Variants in AMOTL1 observed in about 807,000 individuals in gnomAD.
The protein encoded by AMOTL1 is angiomotin like 1.
A neutral mutation model predicts 102.9 loss-of-function variants in AMOTL1; 45 were observed. The observed-to-expected ratio is 0.44, with a 90% CI of 0.34 to 0.56. AMOTL1 has a LOEUF of 0.56. Among genes scored for constraint, AMOTL1 ranks in the 20% least tolerant of loss-of-function variants. The pLI, the probability that AMOTL1 is intolerant of heterozygous loss-of-function variation, is 0.01. For missense variants in AMOTL1, 1,114 were observed against 1,225.6 expected (o/e 0.91, Z 1.36); for synonymous variants, 481 against 484.7 (o/e 0.99, Z 0.10).
At chr11:94,863,528 G>A (rs1952816209) in intron 9 of AMOTL1, among the ~76,000 whole-genome samples, 2 of 151,972 alleles carry the variant, frequency 1.3e-5, no homozygotes, top group African/African-American at 4.8e-5. Context: ...GGAGGTGGAG[G>A]TTGCAGTGAG....
chr11:94,724,102 T>C (rs186023036), intron 1 of AMOTL1, among the ~76,000 whole-genome samples: 1 of 152,106 alleles, frequency 6.6e-6, no homozygotes, highest in Non-Finnish European at 1.5e-5. Context: ...AGAAGGAAGA[T>C]CCCATTGTGT....
chr11:94,727,880 A>G (rs1263520835), intron 1 of AMOTL1, among the ~76,000 whole-genome samples: 1 of 152,198 alleles, frequency 6.6e-6, no homozygotes, highest in Non-Finnish European at 1.5e-5. Context: ...TGCATCTCCC[A>G]TAAGTATCAT....
chr11:94,840,539 C>G (rs938833597), intron 6 of AMOTL1, among the ~76,000 whole-genome samples: 3 of 151,626 alleles, frequency 2.0e-5, no homozygotes, highest in African/African-American at 7.3e-5. Context: ...CCTGATCAGT[C>G]CTAGCATAAA....
At chr11:94,777,757 T>A (rs1951045865) in intron 1 of AMOTL1, among the ~76,000 whole-genome samples, 1 of 152,224 alleles carries the variant, frequency 6.6e-6, no homozygotes, top group Admixed American at 6.5e-5. Context: ...TTAGGGAGCA[T>A]GACATTTCTT....
chr11:94,821,478 C>T (rs1272963430), intron 3 of AMOTL1, 52 bp from the exon 4 acceptor site: 3 of 1,563,242 alleles, frequency 1.9e-6, no homozygotes, highest in South Asian at 2.4e-5. Context: ...GGCTTCCTTC[C>T]TGCTCCCACC....
intron 1 of AMOTL1, among the ~76,000 whole-genome samples, chr11:94,784,243 A>T (rs1035422402): frequency 2.0e-4 from 30 of 152,194 alleles, no homozygotes; most frequent in African/African-American, 7.2e-4. Context: ...TTAAATCCTC[A>T]TAACAACTTT....
Position 94,876,197 on chromosome 11 carries a change from A to G in AMOTL1, c.*5402A>G, listed in dbSNP as rs572366304. 1.3e-5 allele frequency: 2 copies of G among 152,686 alleles called. No homozygotes were observed. The highest frequency in any genetic ancestry group is 4.8e-5 in the African/African-American group (2 of 41,534). The allele number at this position is 152,686 out of a possible 1,614,324, so 9.5% of individuals were successfully genotyped here. On this transcript the variant is annotated 3_prime_UTR_variant, in exon 13 of 13. Transcript: ENST00000433060. ...ACGGAATGTAAGCAAATATATCCAC[A>G]TTGGTTTTATTTGAATCAAGGTGTT...
chr11:94,718,343 G>T (rs896104967), intron 1 of AMOTL1, among the ~76,000 whole-genome samples: 2 of 151,896 alleles, frequency 1.3e-5, no homozygotes, highest in Non-Finnish European at 2.9e-5. Flanking sequence ...TTTATTGACA[G>T]TCATTAAAAT....
chr11:94,856,183 C>A (rs905984137), intron 8 of AMOTL1, among the ~76,000 whole-genome samples: 5 of 152,144 alleles, frequency 3.3e-5, no homozygotes, highest in African/African-American at 1.2e-4. Context: ...GGTTGAGTAT[C>A]CCTTATCTGA....
At chr11:94,782,727 CTTTCT>C (rs1951130723) in intron 1 of AMOTL1, among the ~76,000 whole-genome samples, 1 of 152,174 alleles carries the variant, frequency 6.6e-6, no homozygotes, top group Non-Finnish European at 1.5e-5. Context: ...TTAAAATACG[CTTTCT>C]TTTGCCAACT....
In AMOTL1 at chr11:94,800,270, C is replaced by T. The variant is rs368729646; in HGVS notation, c.1080C>T (p.Ala360=). 100 of 1,612,938 alleles carry T rather than the reference C, an allele frequency of 6.2e-5. 4 individuals are homozygous for T. Among genetic ancestry groups the T allele is most frequent in the South Asian group, 4.9e-4 (45 of 90,914 alleles). The change falls in exon 3 of 13, where the codon GCC becomes GCT. Residue 360 remains alanine, a synonymous_variant. Coordinates refer to ENST00000433060, the MANE Select transcript of AMOTL1 (RefSeq NM_130847.3). The stretch of plus-strand genomic sequence containing the variant: ...CTCAGCCTGTGAGAACAGATGTGGC[C>T]GTCCTGCGGTACCAGCCACCCCCTG... ...PAPQPVRTDV[A]VLRYQPPPEY... is the part of the protein sequence containing the mutation.
At chr11:94,716,555 A>T (rs1950101416) in intron 1 of AMOTL1, among the ~76,000 whole-genome samples, 2 of 152,030 alleles carry the variant, frequency 1.3e-5, no homozygotes, top group African/African-American at 4.8e-5. Flanking sequence ...TTCCATGACA[A>T]TTTGTTTTCA....
intron 6 of AMOTL1, among the ~76,000 whole-genome samples, chr11:94,849,565 G>T (rs1952487618): frequency 6.6e-6 from 1 of 152,088 alleles, no homozygotes; most frequent in South Asian, 2.1e-4. Flanking sequence ...CCCCTTTTTA[G>T]CAGGAAAAGG....
intron 1 of AMOTL1, among the ~76,000 whole-genome samples, chr11:94,725,527 G>A (rs1296662090): frequency 6.6e-6 from 1 of 152,032 alleles, no homozygotes; most frequent in Non-Finnish European, 1.5e-5. Context: ...AATAAGATAG[G>A]ATCTTTACTC....
chr11:94,794,501 C>T (rs1355110443), intron 1 of AMOTL1, among the ~76,000 whole-genome samples: 2 of 152,210 alleles, frequency 1.3e-5, no homozygotes, highest in Non-Finnish European at 2.9e-5. Flanking sequence ...CATTAGACTC[C>T]AGAAGTCTTT....
chr11:94,868,641 C>T (rs1294711900), intron 11 of AMOTL1, among the ~76,000 whole-genome samples: 2 of 152,124 alleles, frequency 1.3e-5, no homozygotes, highest in African/African-American at 4.8e-5. Context: ...TCATCCATTA[C>T]AAGGAGTGGG....
At position 94,864,786 on chromosome 11, in the gene AMOTL1, G is replaced by T. The variant is rs565403768; in HGVS notation, c.2187G>T (p.Ser729=). The change falls in exon 10 of 13, where the codon TCG becomes TCT. Residue 729 remains serine (S), a synonymous_variant. Coordinates refer to ENST00000433060, the MANE Select transcript of AMOTL1 (RefSeq NM_130847.3). ...HSRNGSYGES[S]LEAHIWQEEE... The stretch of plus-strand genomic sequence containing the variant: ...GGAATGGCAGCTACGGAGAGAGCTC[G>T]CTGGAGGCCCACATCTGGCAAGAGG... 6.2e-7 allele frequency: 1 copy of T among 1,613,824 alleles called. No individual in the cohort carries two copies. The highest frequency in any genetic ancestry group is 8.5e-7 in the Non-Finnish European group (1 of 1,179,776).
At position 94,871,092 on chromosome 11, in the gene AMOTL1, T is replaced by C. The variant is rs142865632; in HGVS notation, c.*297T>C. On this transcript the variant is annotated 3_prime_UTR_variant, in exon 13 of 13. Coordinates refer to ENST00000433060, the MANE Select transcript of AMOTL1 (RefSeq NM_130847.3). Reference sequence around the variant, plus strand: ...TTTCATTGTACAGAAAATGTATCTCTTGGGGAGGGCCTGTGTACCCCCATT... The same window carrying C: ...TTTCATTGTACAGAAAATGTATCTCCTGGGGAGGGCCTGTGTACCCCCATT... 0.01 allele frequency: 2,491 copies of C among 244,316 alleles called. 37 individuals are homozygous for C. Among genetic ancestry groups the C allele is most frequent in the South Asian group, 0.05 (465 of 9,248 alleles). The allele number at this position is 244,316 out of a possible 1,614,324, so 15.1% of individuals were successfully genotyped here. A position where few individuals can be genotyped will look rare whatever the true frequency, so the allele number is the denominator to read the frequency against.
chr11:94,825,787 T>C (rs548392253), intron 4 of AMOTL1, among the ~76,000 whole-genome samples: 3 of 152,296 alleles, frequency 2.0e-5, no homozygotes, highest in African/African-American at 7.2e-5. Context: ...TGAAGCAGTG[T>C]ACAGTCAGAA....
Sources: allele counts gnomAD v4.1 joint callset (sites outside exome capture counted in the v4.1 genomes callset), GRCh38; gene constraint gnomAD v4.1.1; transcripts MANE v1.5; gene names NCBI Gene and HGNC (gene_info 2026-07-23, HGNC 2026-07-21).